Variants in SMYD3 observed in about 807,000 individuals in gnomAD.
SMYD3 encodes SET and MYND domain containing 3, also known as histone-lysine N-methyltransferase SMYD3.
Under a neutral mutation model 57.7 loss-of-function variants are expected in SMYD3, and 36 were observed. That is an observed-to-expected ratio of 0.62 (90% CI 0.48 to 0.82). The LOEUF (loss-of-function observed/expected upper bound fraction) is 0.82. Ranked by LOEUF, SMYD3 falls within the 40% of genes least tolerant of loss-of-function variation. The pLI, the probability that SMYD3 is intolerant of heterozygous loss-of-function variation, is 0.00. For synonymous variants in SMYD3, 211 were observed against 195.0 expected (o/e 1.08, Z -0.68); for missense variants, 515 against 538.8 (o/e 0.96, Z 0.44).
At chr1:245,812,157 T>C (rs905815001) in intron 10 of SMYD3, among the ~76,000 whole-genome samples, 2 of 152,158 alleles carry the variant, frequency 1.3e-5, no homozygotes. Context: ...GGCAACTCAC[T>C]TTACCTCGGT....
At chr1:245,865,180 T>C (rs2051765505) in intron 8 of SMYD3, among the ~76,000 whole-genome samples, 1 of 152,340 alleles carries the variant, frequency 6.6e-6, no homozygotes, top group African/African-American at 2.4e-5. Flanking sequence ...TATCGTCTTA[T>C]CTTCACATAG....
intron 5 of SMYD3, among the ~76,000 whole-genome samples, chr1:246,296,132 G>A (rs1364909212): frequency 6.6e-6 from 1 of 152,146 alleles, no homozygotes; most frequent in Non-Finnish European, 1.5e-5. Flanking sequence ...TCAGGAATTA[G>A]GCCGCTCTGA....
chr1:246,165,108 G>A (rs1049917043), intron 5 of SMYD3, among the ~76,000 whole-genome samples: 8 of 152,178 alleles, frequency 5.3e-5, no homozygotes, highest in Non-Finnish European at 7.3e-5. Context: ...GAAAGGGAGC[G>A]GTCCACAGGA....
At chr1:246,207,701 G>T (rs1038371712) in intron 5 of SMYD3, among the ~76,000 whole-genome samples, 1 of 152,110 alleles carries the variant, frequency 6.6e-6, no homozygotes, top group Non-Finnish European at 1.5e-5. Context: ...ACAACGATGG[G>T]ATATGAATCA....
At chr1:246,377,720 T>G (rs2066302846) in intron 1 of SMYD3, among the ~76,000 whole-genome samples, 1 of 152,182 alleles carries the variant, frequency 6.6e-6, no homozygotes, top group South Asian at 2.1e-4. Flanking sequence ...TCCCTGAAAG[T>G]CCCATGGGTA....
chr1:246,272,528 T>A lies in SMYD3; in HGVS notation c.531+54673A>T, dbSNP rs139063791. ...GTCAAAATGATTTTTCTGCTTCGAT[T>A]CAGATGATCACGTGGGGTTTTTTTC... On this transcript the variant is annotated intron_variant, in intron 5 of 11. Transcript: ENST00000490107. Among the ~76,000 whole-genome samples, 295 of 152,356 alleles carry A rather than the reference T, an allele frequency of 1.9e-3. 2 individuals carry two copies. Among genetic ancestry groups the A allele is most frequent in the African/African-American group, 6.8e-3 (281 of 41,588 alleles).
At chr1:246,009,333 C>A (rs914142947) in intron 5 of SMYD3, among the ~76,000 whole-genome samples, 17 of 152,166 alleles carry the variant, frequency 1.1e-4, no homozygotes, top group African/African-American at 4.1e-4. Context: ...TAGCCTGAAG[C>A]TAGAGGACAC....
chr1:246,443,961 TC>T (rs1254401353), intron 1 of SMYD3, among the ~76,000 whole-genome samples: 15 of 152,142 alleles, frequency 9.9e-5, no homozygotes, highest in African/African-American at 3.6e-4. Flanking sequence ...AAACCCTCCC[TC>T]ACCACCCATC....
intron 5 of SMYD3, among the ~76,000 whole-genome samples, chr1:246,153,617 CTAAT>C (rs1205030005): frequency 6.6e-6 from 1 of 152,056 alleles, no homozygotes; most frequent in Non-Finnish European, 1.5e-5. Context: ...CCATGCCTGG[CTAAT>C]TACTTTTTTG....
At chr1:246,142,324 C>T (rs1230335023) in intron 5 of SMYD3, among the ~76,000 whole-genome samples, 1 of 152,140 alleles carries the variant, frequency 6.6e-6, no homozygotes, top group East Asian at 1.9e-4. Flanking sequence ...ATTCTTTCTT[C>T]CTGTAGATCT....
intron 5 of SMYD3, among the ~76,000 whole-genome samples, chr1:246,019,169 C>T (rs2059426986): frequency 6.6e-6 from 1 of 152,188 alleles, no homozygotes; most frequent in African/African-American, 2.4e-5. Context: ...GATTTTGCTC[C>T]TCCCCCTGGA....
chr1:246,412,397 C>CT lies in SMYD3; in HGVS notation c.165-57304dup, dbSNP rs372975774. Among the ~76,000 whole-genome samples the CT allele has an allele frequency of 1.4e-3, 216 of 152,268 alleles. 1 individual carries two copies. The highest frequency in any genetic ancestry group is 4.4e-3 in the African/African-American group (184 of 41,552). ...CCTTTAGAAAGAAAACCTTAACATT[C>CT]TTTAATACTTGATCTCTTTTCAATG... On this transcript the variant is annotated intron_variant, in intron 1 of 11. Coordinates refer to ENST00000490107, the MANE Select transcript of SMYD3 (RefSeq NM_001167740.2).
At chr1:245,970,524 C>T (rs942449782) in intron 5 of SMYD3, among the ~76,000 whole-genome samples, 3 of 152,046 alleles carry the variant, frequency 2.0e-5, no homozygotes, top group African/African-American at 7.2e-5. Context: ...AAACAGGCAA[C>T]CTACAGAATG....
intron 5 of SMYD3, among the ~76,000 whole-genome samples, chr1:246,079,538 C>G (rs895890212): frequency 6.6e-6 from 1 of 152,150 alleles, no homozygotes. Context: ...GTAAGTAAAA[C>G]TCGTGTAAGT....
At chr1:246,282,305 CAAAAAAAAAAAAAAAAAAAAAA>C (rs57740230) in intron 5 of SMYD3, among the ~76,000 whole-genome samples, 2 of 67,952 alleles carry the variant, frequency 2.9e-5, no homozygotes, top group African/African-American at 6.8e-5. Context: ...CTCATCTCTA[CAAAAAAAAAAAAAAAAAAAAAA>C]AAAAAAAAAA....
At chr1:246,482,256 C>T (rs2068120895) in intron 1 of SMYD3, among the ~76,000 whole-genome samples, 1 of 152,160 alleles carries the variant, frequency 6.6e-6, no homozygotes, top group Non-Finnish European at 1.5e-5. Flanking sequence ...ATAATCTTTA[C>T]ACTAATGGTT....
chr1:246,494,415 C>T (rs1031044661), intron 1 of SMYD3, among the ~76,000 whole-genome samples: 2 of 152,126 alleles, frequency 1.3e-5, no homozygotes, highest in African/African-American at 4.8e-5. Flanking sequence ...TTAGCATTAC[C>T]TGTGAAGCTT....
At chr1:246,262,215 C>CCTT (rs1458595441) in intron 5 of SMYD3, among the ~76,000 whole-genome samples, 1 of 152,044 alleles carries the variant, frequency 6.6e-6, no homozygotes, top group Non-Finnish European at 1.5e-5. Context: ...TTGTAGAGTC[C>CCTT]AAAAGCCCTG....
chr1:245,814,843 T>G (rs1488963729), intron 10 of SMYD3, among the ~76,000 whole-genome samples: 1 of 147,124 alleles, frequency 6.8e-6, no homozygotes, highest in Non-Finnish European at 1.5e-5. Flanking sequence ...CGCACACACA[T>G]GCACGCACAC....
Sources: allele counts gnomAD v4.1 joint callset (sites outside exome capture counted in the v4.1 genomes callset), GRCh38; gene constraint gnomAD v4.1.1; transcripts MANE v1.5; gene names NCBI Gene and HGNC (gene_info 2026-07-23, HGNC 2026-07-21).